The following CEP70 variants were observed in gnomAD, a reference collection of about 807,000 sequenced individuals.
CEP70 encodes centrosomal protein of 70 kDa.
CEP70 carries 70 observed loss-of-function variants against 90.9 expected under a neutral mutation model. The observed-to-expected ratio is 0.77, with a 90% CI of 0.64 to 0.94. CEP70 has a LOEUF of 0.94. CEP70 is among the 40% of genes least tolerant of loss of function. The pLI, the probability that CEP70 is intolerant of heterozygous loss-of-function variation, is 0.00. For synonymous variants in CEP70, 220 were observed against 228.3 expected, an observed-to-expected ratio of 0.96 and a Z score of 0.33; for missense variants, 648 against 669.0, an observed-to-expected ratio of 0.97 and a Z score of 0.35.
intron 2 of CEP70, among the ~76,000 whole-genome samples, chr3:138,581,694 C>CAAAAAA (rs35064874): frequency 1.7e-3 from 133 of 78,750 alleles, no homozygotes; most frequent in Non-Finnish European, 2.3e-3. Context: ...AAACTTGTCT[C>CAAAAAA]AAAAAAAAAA....
chr3:138,511,118 G>T (rs1057297468), intron 11 of CEP70, among the ~76,000 whole-genome samples: 2 of 151,932 alleles, frequency 1.3e-5, no homozygotes, highest in African/African-American at 2.4e-5. Context: ...TGATCCGCCC[G>T]CCTTGGCCTC....
chr3:138,501,769 A>G (rs145999254), intron 13 of CEP70, among the ~76,000 whole-genome samples: 31 of 152,306 alleles, frequency 2.0e-4, no homozygotes, highest in African/African-American at 7.0e-4. Context: ...AGACTGATCA[A>G]TCGACAAATA....
intron 6 of CEP70, among the ~76,000 whole-genome samples, chr3:138,542,283 A>G (rs2038833681): frequency 6.6e-6 from 1 of 152,182 alleles, no homozygotes; most frequent in Non-Finnish European, 1.5e-5. Flanking sequence ...GTGGGCACCA[A>G]TGCCTGGACA....
At chr3:138,575,676 A>C (rs931398612) in intron 2 of CEP70, among the ~76,000 whole-genome samples, 3 of 152,194 alleles carry the variant, frequency 2.0e-5, no homozygotes, top group Non-Finnish European at 4.4e-5. Flanking sequence ...GAAATGAAGG[A>C]AAAAATGTTA....
intron 13 of CEP70, among the ~76,000 whole-genome samples, chr3:138,503,050 C>T (rs2108679944): frequency 6.6e-6 from 1 of 152,240 alleles, no homozygotes; most frequent in East Asian, 1.9e-4. Context: ...ATAAAATTCA[C>T]CATCTTAACA....
rs922582654 is a variant in CEP70 at position 138,527,583 on chromosome 3, A to G, written c.869+1616T>C. On this transcript the variant is annotated intron_variant, in intron 10 of 17. Transcript: ENST00000264982. ...GTGATGGGCGCCTGTAGTCCCAGCTACTCGGGAGGCTGAGGCAGAAGAAAT... is the reference window on the plus strand; with the variant it reads ...GTGATGGGCGCCTGTAGTCCCAGCTGCTCGGGAGGCTGAGGCAGAAGAAAT... Among the ~76,000 whole-genome samples the G allele has an allele frequency of 2.0e-5, 3 of 150,910 alleles. No individual in the cohort carries two copies. In the East Asian group the frequency reaches 6.0e-4, roughly 30 times the overall value.
chr3:138,520,619 T>A (rs1186134857), intron 11 of CEP70, among the ~76,000 whole-genome samples: 1 of 152,198 alleles, frequency 6.6e-6, no homozygotes, highest in Non-Finnish European at 1.5e-5. Flanking sequence ...GAAATAAAGA[T>A]GTTCTTTGAA....
intron 6 of CEP70, among the ~76,000 whole-genome samples, chr3:138,554,360 A>G (rs2039844091): frequency 6.6e-6 from 1 of 152,198 alleles, no homozygotes. Flanking sequence ...GAGAACTGGA[A>G]CAAGATAAGG....
intron 13 of CEP70, among the ~76,000 whole-genome samples, chr3:138,503,888 A>C (rs1254938519): frequency 1.3e-5 from 2 of 152,204 alleles, no homozygotes; most frequent in Non-Finnish European, 2.9e-5. Context: ...CTTTAACGAT[A>C]TAAATGATTA....
Position 138,571,131 on chromosome 3 carries a change from A to G in CEP70, c.187T>C (p.Ser63Pro). The G allele has an allele frequency of 6.3e-7, 1 of 1,599,982 alleles. No individual in the cohort carries two copies. The highest frequency in any genetic ancestry group is 8.5e-7 in the Non-Finnish European group (1 of 1,170,432). ...TTCAAATTCTGTCTCATCCTTTGTG[A>G]TGACTGTTTGTCAAAAATGATGAGA... is the stretch of plus-strand genomic sequence containing the variant. ...KDLIIFDKQS[S>P]QRMRQNLKLL... The change falls in exon 5 of 18, where the codon TCA becomes CCA. Residue 63 changes from serine (S) to proline (P), a missense_variant. Physicochemically the swap from Ser to Pro is moderately conservative, Grantham distance 74. Transcript: ENST00000264982.
chr3:138,591,103 C>T (rs574034620), intron 2 of CEP70, among the ~76,000 whole-genome samples: 3 of 152,226 alleles, frequency 2.0e-5, no homozygotes, highest in East Asian at 3.9e-4. Flanking sequence ...TTGAACGTTC[C>T]TAATATGAAT....
At chr3:138,538,664 G>A (rs909297543) in intron 6 of CEP70, among the ~76,000 whole-genome samples, 5 of 152,122 alleles carry the variant, frequency 3.3e-5, no homozygotes, top group Non-Finnish European at 5.9e-5. Flanking sequence ...GATGGAAAAA[G>A]GAGCCAGTGA....
intron 2 of CEP70, among the ~76,000 whole-genome samples, chr3:138,583,268 T>C (rs1002676565): frequency 3.3e-5 from 5 of 152,136 alleles, no homozygotes; most frequent in Admixed American, 6.5e-5. Flanking sequence ...TATGTAACAA[T>C]TGTAAATATT....
rs144294583 is a variant in CEP70, at chr3:138,500,224, T to C, written c.1538A>G (p.Asp513Gly). 2.4e-5 allele frequency: 38 copies of C among 1,600,630 alleles called. No homozygotes were observed. The Middle Eastern group carries it at 5.0e-4, about 21-fold the overall frequency. ...VRNLQELLEL[D>G]SSSSLCVLVS... ...TAGCACACACAATGAGGATGAACTA[T>C]CTGCAAAAGAGAAATAAAAGGATAT... is the stretch of plus-strand genomic sequence containing the variant. The change falls in exon 16 of 18, where the codon GAT (aspartate) becomes GGT (glycine). Residue 513 changes from aspartate to glycine, a missense_variant and splice_region_variant. Asp to Gly is a moderately conservative substitution (Grantham distance 94). Coordinates refer to ENST00000264982, the MANE Select transcript of CEP70 (RefSeq NM_024491.4).
chr3:138,538,397 G>C lies in CEP70; in HGVS notation c.466-1050C>G, dbSNP rs1434962319. On this transcript the variant is annotated intron_variant, in intron 6 of 17. Transcript: ENST00000264982. ...TCCCATTTGGGATCTCCCCAACCTAGTACCATCAGCACTCTGAATGCTTGC... is the reference window on the plus strand; with the variant it reads ...TCCCATTTGGGATCTCCCCAACCTACTACCATCAGCACTCTGAATGCTTGC... 2.0e-5 allele frequency among the ~76,000 whole-genome samples: 3 copies of C among 152,140 alleles called. No homozygotes were observed. In the East Asian group the frequency reaches 5.8e-4, roughly 29 times the overall value.
intron 6 of CEP70, among the ~76,000 whole-genome samples, chr3:138,566,580 C>T (rs980335439): frequency 1.8e-4 from 28 of 151,910 alleles, no homozygotes; most frequent in Admixed American, 1.8e-3. Flanking sequence ...AAACACTGCA[C>T]ATTCTCACTT....
chr3:138,497,592 A>G (rs1381158215), intron 17 of CEP70: 2 of 956,066 alleles, frequency 2.1e-6, no homozygotes, highest in Non-Finnish European at 1.2e-6. Context: ...TCCTTTCCAC[A>G]GATATTTATG....
chr3:138,575,106 C>G (rs924352907), intron 2 of CEP70, among the ~76,000 whole-genome samples: 1 of 152,048 alleles, frequency 6.6e-6, no homozygotes, highest in African/African-American at 2.4e-5. Context: ...ATGACTTTGA[C>G]GAGTTGACAG....
intron 2 of CEP70, among the ~76,000 whole-genome samples, chr3:138,575,202 T>C (rs2041429824): frequency 6.6e-6 from 1 of 151,908 alleles, no homozygotes; most frequent in African/African-American, 2.4e-5. Context: ...CTAAAAACCT[T>C]GAAAAAAGAT....
Sources: allele counts gnomAD v4.1 joint callset (sites outside exome capture counted in the v4.1 genomes callset), GRCh38; gene constraint gnomAD v4.1.1; transcripts MANE v1.5; gene names NCBI Gene and HGNC (gene_info 2026-07-23, HGNC 2026-07-21).